The following SLC23A2 variants were observed in gnomAD, a reference collection of about 807,000 sequenced individuals.
SLC23A2 encodes the protein Na(+)/L-ascorbic acid transporter 2.
A neutral mutation model predicts 73.3 loss-of-function variants in SLC23A2; 36 were observed. That is an observed-to-expected ratio of 0.49 (90% CI 0.38 to 0.65). The LOEUF is 0.65. SLC23A2 is among the 30% of genes least tolerant of loss of function. The pLI, the probability that SLC23A2 is intolerant of heterozygous loss-of-function variation, is 0.00. For synonymous variants in SLC23A2, 343 were observed against 327.3 expected (o/e 1.05, Z -0.52); for missense variants, 507 against 841.6 (o/e 0.60, Z 4.92).
At chr20:4,900,916 T>G (rs1931721335) in intron 5 of SLC23A2, among the ~76,000 whole-genome samples, 1 of 152,162 alleles carries the variant, frequency 6.6e-6, no homozygotes, top group South Asian at 2.1e-4. Flanking sequence ...ATGCAGCCCA[T>G]GAAGCCCGAC....
At chr20:4,946,132 C>T (rs748228331) in intron 2 of SLC23A2, among the ~76,000 whole-genome samples, 2 of 152,186 alleles carry the variant, frequency 1.3e-5, no homozygotes, top group Non-Finnish European at 2.9e-5. Flanking sequence ...GGACTTAATT[C>T]TTTTAAGAGT....
rs1044981503 is a variant in SLC23A2, at chr20:4,998,953, C to T, written c.-282+2453G>A. ...CTGAGTAGCCGGAAATACAGGCATG[C>T]GCCACCATGCCCGGCTAACTTTTGT... On this transcript the variant is annotated intron_variant, in intron 1 of 16. Coordinates refer to ENST00000338244, the MANE Select transcript of SLC23A2 (RefSeq NM_005116.6). This position sits in a 1 kb window ranked among gnomAD's most constrained non-coding sequence, Gnocchi z 4.1. Among the ~76,000 whole-genome samples, 3 of 151,980 alleles carry T rather than the reference C, an allele frequency of 2.0e-5. No individual in the cohort carries two copies. Among genetic ancestry groups the T allele is most frequent in the African/African-American group, 4.8e-5 (2 of 41,378 alleles).
chr20:4,891,653 A>G (rs1931336226), intron 6 of SLC23A2, among the ~76,000 whole-genome samples: 1 of 152,248 alleles, frequency 6.6e-6, no homozygotes, highest in Non-Finnish European at 1.5e-5. Context: ...CACCCGCTGC[A>G]CTACCTGCCT....
chr20:4,982,736 TTCAAAAA>T (rs1343003459), intron 1 of SLC23A2, among the ~76,000 whole-genome samples: 1 of 152,068 alleles, frequency 6.6e-6, no homozygotes, highest in Non-Finnish European at 1.5e-5. Flanking sequence ...ATATGTGATT[TTCAAAAA>T]AGGGCATCAG....
rs1242736840 is a variant in SLC23A2 at position 4,857,100 on chromosome 20, T to C, written c.1825A>G (p.Ile609Val). ...ESYNLPFGMN[I>V]IKKYRCFSYL... is the part of the protein sequence containing the mutation. ...CTGAAGCATCTGTATTTTTTTATAA[T>C]GTTCATGCCAAATGGCAAATTGTAC... Residue 609 changes from isoleucine (I) to valine (V), a missense_variant, in exon 17 of 17, where the codon ATT becomes GTT. By Grantham distance (29) the Ile-to-Val change is conservative (BLOSUM62 3). Transcript: ENST00000338244. This position sits in a 1 kb window ranked among gnomAD's most constrained non-coding sequence, Gnocchi z 4.0. The C allele has an allele frequency of 3.7e-6, 6 of 1,614,088 alleles. No individual in the cohort carries two copies. The highest frequency in any genetic ancestry group is 1.3e-5 in the African/African-American group (1 of 75,068).
intron 8 of SLC23A2, 91 bp downstream of exon 8, chr20:4,884,662 A>C: frequency 2.4e-6 from 2 of 817,634 alleles, no homozygotes; most frequent in East Asian, 2.4e-5. Context: ...AGAAGGGCTC[A>C]GTAAAAGTAA....
rs35350494 is a variant in SLC23A2, at chr20:4,872,764, CT to C, written c.1102+1171del. On this transcript the variant is annotated intron_variant, in intron 11 of 16. Coordinates refer to ENST00000338244, the MANE Select transcript of SLC23A2 (RefSeq NM_005116.6). This position sits in a 1 kb window ranked among gnomAD's most constrained non-coding sequence, Gnocchi z 4.4. ...AGAAAGTTATTTTAGAAAGATGAAACTTTTTTTTTTGAGACAGTCTTGCTCT... is the reference window on the plus strand; with the variant it reads ...AGAAAGTTATTTTAGAAAGATGAAACTTTTTTTTTGAGACAGTCTTGCTCT... Among the ~76,000 whole-genome samples the C allele has an allele frequency of 1.1e-4, 16 of 150,412 alleles. No homozygotes were observed. Among genetic ancestry groups the C allele is most frequent in the Non-Finnish European group, 1.9e-4 (13 of 67,462 alleles).
At chr20:4,999,568 T>G (rs2088083605) in intron 1 of SLC23A2, among the ~76,000 whole-genome samples, 3 of 152,048 alleles carry the variant, frequency 2.0e-5, no homozygotes, top group Admixed American at 2.0e-4. Context: ...TTTTTTTTTT[T>G]TTTTATAGAA....
intron 6 of SLC23A2, among the ~76,000 whole-genome samples, chr20:4,886,693 A>G (rs917404842): frequency 6.6e-6 from 1 of 152,224 alleles, no homozygotes; most frequent in African/African-American, 2.4e-5. Flanking sequence ...CATTTCAGCT[A>G]AGTCACATTA....
At chr20:4,877,624 C>T (rs189846642) in intron 9 of SLC23A2, among the ~76,000 whole-genome samples, 4 of 152,168 alleles carry the variant, frequency 2.6e-5, no homozygotes, top group Non-Finnish European at 4.4e-5. Context: ...CTTTAGATTT[C>T]TGAGCTTAAT....
rs774751613 is a variant in SLC23A2 at position 4,874,024 on chromosome 20, G to A, written c.1014C>T (p.Pro338=). 9 of 1,614,144 alleles carry A rather than the reference G, an allele frequency of 5.6e-6. No individual in the cohort carries two copies. The highest frequency in any genetic ancestry group is 2.2e-5 in the East Asian group (1 of 44,874). The part of the protein sequence containing the change: ...FIFTVTDVFP[P]DSTKYGFYAR... ...CATAGAAGCCATACTTTGTGCTGTC[G>A]GGAGGGAAGACATCTGTCACCGTGA... The change falls in exon 11 of 17, where the codon CCC becomes CCT. Residue 338 remains proline (P), a synonymous_variant. Transcript: ENST00000338244.
chr20:5,001,548 G>A (rs991373894), upstream of SLC23A2: 11 of 150,814 alleles, frequency 7.3e-5, no homozygotes, highest in Admixed American at 6.6e-4. Flanking sequence ...GTGCAGCGGA[G>A]CCGCCCGCCC....
At chr20:4,960,594 C>T (rs1388365962) in intron 2 of SLC23A2, among the ~76,000 whole-genome samples, 1 of 152,230 alleles carries the variant, frequency 6.6e-6, no homozygotes, top group South Asian at 2.1e-4. Context: ...TAGGTTGTAG[C>T]GCACGCGCAC....
intron 1 of SLC23A2, among the ~76,000 whole-genome samples, chr20:4,995,221 G>A (rs1242795465): frequency 2.4e-4 from 36 of 152,030 alleles, no homozygotes; most frequent in Admixed American, 2.2e-3. Context: ...AACAAACAAG[G>A]GAATTGACAG....
rs567446974 is a variant in SLC23A2 at position 4,899,282 on chromosome 20, C to A, written c.482+273G>T. The stretch of plus-strand genomic sequence containing the variant: ...AGGGGCACAGAGGGGTGCTGGGGAG[C>A]GAGCATGACTTGCCAAGGGGGCAGG... On this transcript the variant is annotated intron_variant, in intron 6 of 16. Coordinates refer to ENST00000338244, the MANE Select transcript of SLC23A2 (RefSeq NM_005116.6). The surrounding 1 kb of genome is among the most constrained non-coding windows in gnomAD (Gnocchi z 4.9). 3.3e-5 allele frequency among the ~76,000 whole-genome samples: 5 copies of A among 151,928 alleles called. No homozygotes were observed. Among genetic ancestry groups the A allele is most frequent in the Non-Finnish European group, 7.4e-5 (5 of 67,984 alleles).
intron 7 of SLC23A2, 121 bp downstream of exon 7, chr20:4,885,700 T>G (rs1931070286): frequency 2.8e-6 from 2 of 719,894 alleles, no homozygotes; most frequent in African/African-American, 1.8e-5. Context: ...GTTTGTGGGT[T>G]TGTGTGCTTT....
chr20:4,856,990 G>A lies in SLC23A2; in HGVS notation c.1935C>T (p.Asp645=). ...GCAAAGGCTATCCCGTGGCCTGGGA[G>A]TCTTCATCTGAACTCCGGCTGTTGT... The part of the protein sequence containing the change: ...KSDNSRSSDE[D]SQATG The change falls in exon 17 of 17, where the codon GAC becomes GAT. Residue 645 remains aspartate (D), a synonymous_variant. Coordinates refer to ENST00000338244, the MANE Select transcript of SLC23A2 (RefSeq NM_005116.6). The surrounding 1 kb of genome is among the most constrained non-coding windows in gnomAD (Gnocchi z 4.6). 3 of 1,613,596 alleles carry A rather than the reference G, an allele frequency of 1.9e-6. No homozygotes were observed. Among genetic ancestry groups the A allele is most frequent in the Non-Finnish European group, 2.5e-6 (3 of 1,179,596 alleles).
At chr20:4,933,194 A>G (rs1414805177) in intron 2 of SLC23A2, among the ~76,000 whole-genome samples, 2 of 151,544 alleles carry the variant, frequency 1.3e-5, no homozygotes, top group Non-Finnish European at 2.9e-5. Flanking sequence ...GCTTGTGGCT[A>G]CTATACTGGG....
intron 3 of SLC23A2, among the ~76,000 whole-genome samples, chr20:4,913,180 C>T (rs1422055345): frequency 6.6e-6 from 1 of 152,226 alleles, no homozygotes; most frequent in East Asian, 1.9e-4. Flanking sequence ...GCAACCTCAG[C>T]AGGGGCACCC....
Sources: gnomAD v4.1 joint callset for allele counts (sites outside exome capture counted in the v4.1 genomes callset) on GRCh38, gnomAD v4.1.1 for gene constraint, Gnocchi (gnomAD v3.1) non-coding constraint, MANE v1.5 for transcripts, NCBI Gene and HGNC (gene_info 2026-07-23, HGNC 2026-07-21) for gene names.